The following TRDN variants were observed in gnomAD, a reference collection of about 807,000 sequenced individuals.
TRDN encodes the protein triadin, also known as triadin in skeletal muscle.
Under a neutral mutation model 149.7 loss-of-function variants are expected in TRDN, and 161 were observed. The observed-to-expected ratio is 1.08, with a 90% CI of 0.95 to 1.23. The LOEUF (loss-of-function observed/expected upper bound fraction) is 1.23, where lower values mean the gene tolerates loss of function less well. Ranked by LOEUF, TRDN falls within the 50% of genes most tolerant of loss-of-function variation. TRDN has a pLI of 0.00. For synonymous variants in TRDN, 294 were observed against 250.5 expected, an observed-to-expected ratio of 1.17 and a Z score of -1.64; for missense variants, 896 against 823.5, an observed-to-expected ratio of 1.09 and a Z score of -1.08.
chr6:123,316,612 T>C (rs1779034009), intron 23 of TRDN, 117 bp from the exon 24 acceptor site: 1 of 727,578 alleles, frequency 1.4e-6, no homozygotes, highest in South Asian at 1.9e-5. Context: ...CTTGTCTGTT[T>C]TCAATTTCAA....
chr6:123,221,639 C>A (rs563694688), intron 39 of TRDN, 117 bp from the exon 40 acceptor site: 2 of 544,394 alleles, frequency 3.7e-6, no homozygotes, highest in Non-Finnish European at 6.2e-6. Flanking sequence ...AGGAGTTACC[C>A]TTTTTATAGT....
chr6:123,538,852 C>T (rs1424894008), intron 4 of TRDN, among the ~76,000 whole-genome samples: 1 of 152,022 alleles, frequency 6.6e-6, no homozygotes, highest in Non-Finnish European at 1.5e-5. Flanking sequence ...TTTTTCTCTT[C>T]GAATTTTATT....
intron 12 of TRDN, among the ~76,000 whole-genome samples, chr6:123,402,129 C>T (rs1343538302): frequency 6.6e-6 from 1 of 152,116 alleles, no homozygotes; most frequent in Non-Finnish European, 1.5e-5. Flanking sequence ...AAGCAGAAGG[C>T]CATTGGCCTG....
chr6:123,538,221 T>G (rs1780646681), intron 4 of TRDN, among the ~76,000 whole-genome samples: 1 of 152,082 alleles, frequency 6.6e-6, no homozygotes, highest in South Asian at 2.1e-4. Flanking sequence ...TATTTCCCAT[T>G]TTAATATTAA....
intron 1 of TRDN, among the ~76,000 whole-genome samples, chr6:123,581,542 C>A (rs139845471): frequency 2.1e-4 from 32 of 152,202 alleles, no homozygotes; most frequent in African/African-American, 6.0e-4. Flanking sequence ...TGTTAAATAA[C>A]CTCAATATTT....
chr6:123,526,686 C>G (rs1779968387), intron 5 of TRDN, among the ~76,000 whole-genome samples: 1 of 151,914 alleles, frequency 6.6e-6, no homozygotes, highest in Non-Finnish European at 1.5e-5. Context: ...TAGATAAACA[C>G]TCATACAATA....
At chr6:123,601,918 C>T (rs1042290532) in intron 1 of TRDN, among the ~76,000 whole-genome samples, 2 of 152,016 alleles carry the variant, frequency 1.3e-5, no homozygotes, top group Non-Finnish European at 2.9e-5. Flanking sequence ...GAAACTGAGG[C>T]TCAGAAACAT....
intron 1 of TRDN, among the ~76,000 whole-genome samples, chr6:123,574,406 C>A (rs1051512450): frequency 6.6e-6 from 1 of 151,930 alleles, no homozygotes; most frequent in African/African-American, 2.4e-5. Context: ...ATAATATCTT[C>A]TCATTGATTA....
intron 19 of TRDN, among the ~76,000 whole-genome samples, chr6:123,375,044 A>C (rs1015437660): frequency 6.6e-6 from 1 of 152,196 alleles, no homozygotes; most frequent in Non-Finnish European, 1.5e-5. Flanking sequence ...CAAACTAAGA[A>C]ATATCAACAA....
chr6:123,560,213 C>A (rs1781910004), intron 2 of TRDN, among the ~76,000 whole-genome samples: 1 of 152,160 alleles, frequency 6.6e-6, no homozygotes, highest in African/African-American at 2.4e-5. Context: ...CTTCCAAAAT[C>A]TATTTTCTTT....
intron 14 of TRDN, among the ~76,000 whole-genome samples, chr6:123,384,322 G>C (rs1298835882): frequency 6.6e-6 from 1 of 152,106 alleles, no homozygotes; most frequent in Non-Finnish European, 1.5e-5. Context: ...CCACTATACT[G>C]AAATAGGATT....
chr6:123,592,165 A>C (rs541102168), intron 1 of TRDN, among the ~76,000 whole-genome samples: 36 of 152,354 alleles, frequency 2.4e-4, no homozygotes, highest in Non-Finnish European at 4.4e-4. Flanking sequence ...TTGGCAACTA[A>C]TAAAAGGCTT....
At chr6:123,270,095 TA>T (rs2114611074) in intron 30 of TRDN, among the ~76,000 whole-genome samples, 1 of 152,182 alleles carries the variant, frequency 6.6e-6, no homozygotes, top group East Asian at 1.9e-4. Context: ...ACAATCTATA[TA>T]TTTGAGTCAC....
chr6:123,255,509 A>G (rs1776526393), intron 36 of TRDN, among the ~76,000 whole-genome samples: 1 of 152,302 alleles, frequency 6.6e-6, no homozygotes, highest in Non-Finnish European at 1.5e-5. Context: ...GCTTTATGAT[A>G]ATTATACTCA....
intron 21 of TRDN, among the ~76,000 whole-genome samples, chr6:123,347,512 A>AT (rs1448502757): frequency 6.6e-6 from 1 of 151,982 alleles, no homozygotes; most frequent in African/African-American, 2.4e-5. Flanking sequence ...TATTCCTGAG[A>AT]TATTTTTGAA....
intron 39 of TRDN, 106 bp from the exon 40 acceptor site, chr6:123,221,628 C>T (rs62418708): frequency 2.4e-5 from 15 of 620,878 alleles, no homozygotes; most frequent in Admixed American, 1.1e-4. Flanking sequence ...ATGAAAGAAA[C>T]AGGAGTTACC....
chr6:123,306,895 GA>G (rs35757348), intron 24 of TRDN, among the ~76,000 whole-genome samples: 2 of 149,708 alleles, frequency 1.3e-5, no homozygotes, highest in African/African-American at 4.9e-5. Flanking sequence ...AAGGGGTAAA[GA>G]AAAAAAAAGA....
Position 123,453,327 on chromosome 6 carries a change from G to C in TRDN, c.931+11579C>G, listed in dbSNP as rs557052678. 1.5e-4 allele frequency among the ~76,000 whole-genome samples: 23 copies of C among 152,252 alleles called. No individual in the cohort carries two copies. The South Asian group carries it at 2.9e-3, about 19-fold the overall frequency. On this transcript the variant is annotated intron_variant, in intron 10 of 40. Transcript: ENST00000334268. ...TGGCAGAGTAAACAGACAACCCACA[G>C]AGTGGGAGAAAATCTTCACAATCTA...
chr6:123,561,047 AAACTAAAATAACTCTTGGTCT>A (rs1304239185), intron 2 of TRDN, among the ~76,000 whole-genome samples: 9 of 152,128 alleles, frequency 5.9e-5, no homozygotes. Context: ...CCGAGTCAGA[AAACTAAAATAACTCTTGGTCT>A]AGGTAGACAC....
Sources: allele counts gnomAD v4.1 joint callset (sites outside exome capture counted in the v4.1 genomes callset), GRCh38; gene constraint gnomAD v4.1.1; transcripts MANE v1.5; gene names NCBI Gene and HGNC (gene_info 2026-07-23, HGNC 2026-07-21).